The following PDE8B variants were observed in gnomAD, a reference collection of about 807,000 sequenced individuals.
PDE8B encodes the protein phosphodiesterase 8B.
Under a neutral mutation model 101.3 loss-of-function variants are expected in PDE8B, and 26 were observed. The ratio of observed to expected loss-of-function variants is 0.26; its 90% CI spans 0.19 to 0.36. The LOEUF is 0.36. Among genes scored for constraint, PDE8B ranks in the 10% least tolerant of loss-of-function variants. PDE8B has a pLI of 1.00. For synonymous variants in PDE8B, 424 were observed against 429.3 expected, an observed-to-expected ratio of 0.99 and a Z score of 0.15; for missense variants, 810 against 1,163.1, an observed-to-expected ratio of 0.70 and a Z score of 4.42.
chr5:77,215,417 A>G (rs1242664626), intron 1 of PDE8B, among the ~76,000 whole-genome samples: 1 of 152,236 alleles, frequency 6.6e-6, no homozygotes, highest in East Asian at 1.9e-4. Context: ...GCCATTGTAT[A>G]TATGATTACA....
chr5:77,188,994 G>A, the PDE8B span, among the ~76,000 whole-genome samples: 1 of 152,156 alleles, frequency 6.6e-6, no homozygotes, highest in Non-Finnish European at 1.5e-5. Context: ...TTTGGCCCAG[G>A]TGTAGTTGGT....
intron 1 of PDE8B, among the ~76,000 whole-genome samples, chr5:77,251,498 T>C (rs1287676070): frequency 1.3e-5 from 2 of 152,240 alleles, no homozygotes; most frequent in Non-Finnish European, 2.9e-5. Flanking sequence ...AGAAAGACTT[T>C]TGCATTTTGC....
At chr5:77,254,739 C>G (rs931590138) in intron 1 of PDE8B, among the ~76,000 whole-genome samples, 7 of 152,104 alleles carry the variant, frequency 4.6e-5, no homozygotes, top group African/African-American at 1.2e-4. Context: ...TAACTGATTT[C>G]TTTTGTGCCT....
intron 10 of PDE8B, among the ~76,000 whole-genome samples, chr5:77,369,164 C>A (rs1020042966): frequency 7.5e-6 from 1 of 133,640 alleles, no homozygotes; most frequent in Admixed American, 8.4e-5. Flanking sequence ...GATCATGCCA[C>A]TGCACTCCAG....
intron 7 of PDE8B, among the ~76,000 whole-genome samples, chr5:77,347,017 A>G (rs1436729236): frequency 6.6e-6 from 1 of 152,218 alleles, no homozygotes; most frequent in Non-Finnish European, 1.5e-5. Flanking sequence ...CTTAAAATTT[A>G]GAAGCAATAT....
chr5:77,295,784 G>C (rs1462233116), intron 1 of PDE8B, among the ~76,000 whole-genome samples: 1 of 152,146 alleles, frequency 6.6e-6, no homozygotes. Context: ...ATATGGCTTT[G>C]GGCAAGTCTT....
intron 1 of PDE8B, among the ~76,000 whole-genome samples, chr5:77,225,045 GGAGA>G (rs1752033301): frequency 6.6e-6 from 1 of 152,068 alleles, no homozygotes; most frequent in Non-Finnish European, 1.5e-5. Context: ...TGTGTCTCTT[GGAGA>G]CGTTAGCAGC....
the PDE8B span, among the ~76,000 whole-genome samples, chr5:77,099,569 G>A: frequency 3.3e-5 from 5 of 151,986 alleles, no homozygotes; most frequent in African/African-American, 2.4e-5. Flanking sequence ...TGGGGCATGC[G>A]ACTCTAGGGA....
chr5:77,303,967 T>C (rs1315081298), intron 1 of PDE8B, among the ~76,000 whole-genome samples: 10 of 152,206 alleles, frequency 6.6e-5, no homozygotes, highest in Non-Finnish European at 1.2e-4. Context: ...AGACTATGGA[T>C]TCAGTTTTCT....
rs571866292 is a variant in PDE8B at position 77,218,928 on chromosome 5, A to G, written c.339+7664A>G. Among the ~76,000 whole-genome samples, 3 of 152,354 alleles carry G rather than the reference A, an allele frequency of 2.0e-5. No homozygotes were observed. In the East Asian group the frequency reaches 5.8e-4, roughly 29 times the overall value. ...TTTCAAGTACATTGATTTGGCCAAT[A>G]GATGACTAACTGGATTTATAGACAG... On this transcript the variant is annotated intron_variant, in intron 1 of 21. Coordinates refer to ENST00000264917, the MANE Select transcript of PDE8B (RefSeq NM_003719.5).
chr5:77,117,309 T>C, the PDE8B span, among the ~76,000 whole-genome samples: 3 of 152,224 alleles, frequency 2.0e-5, no homozygotes, highest in Admixed American at 6.5e-5. Context: ...ATGCATTTTT[T>C]TTCAATCGGA....
At position 77,378,009 on chromosome 5, in the gene PDE8B, T is replaced by TACACACACACAC. The variant is rs3031820; in HGVS notation, c.1168-22210_1168-22199dup. 2.2e-3 allele frequency among the ~76,000 whole-genome samples: 302 copies of TACACACACACAC among 134,482 alleles called. 1 individual carries two copies. The highest frequency in any genetic ancestry group is 3.6e-3 in the South Asian group (15 of 4,218). 88.2% of individuals were successfully genotyped at this position (134,482 alleles called of 152,430 possible). ...CTTGCTCGCTCTCTCCCTCTCTCTC[T>TACACACACACAC]ACACACACACACACACACACACACA... On this transcript the variant is annotated intron_variant, in intron 10 of 21. Coordinates refer to ENST00000264917, the MANE Select transcript of PDE8B (RefSeq NM_003719.5).
At chr5:77,264,392 G>C (rs890366065) in intron 1 of PDE8B, among the ~76,000 whole-genome samples, 5 of 152,202 alleles carry the variant, frequency 3.3e-5, no homozygotes, top group Admixed American at 6.5e-5. Flanking sequence ...CAATATATGA[G>C]AGTTCCAGTA....
At chr5:77,277,921 G>C (rs559037069) in intron 1 of PDE8B, among the ~76,000 whole-genome samples, 1 of 152,330 alleles carries the variant, frequency 6.6e-6, no homozygotes, top group Admixed American at 6.5e-5. Context: ...CTATGCATAA[G>C]ATGTACATAG....
At chr5:77,202,903 A>G in the PDE8B span, among the ~76,000 whole-genome samples, 24 of 152,230 alleles carry the variant, frequency 1.6e-4, no homozygotes, top group Admixed American at 5.2e-4. Flanking sequence ...CCTGGCCTGT[A>G]GTTAAAGTTT....
At chr5:77,258,061 G>A (rs1347046381) in intron 1 of PDE8B, among the ~76,000 whole-genome samples, 2 of 151,678 alleles carry the variant, frequency 1.3e-5, no homozygotes, top group Non-Finnish European at 2.9e-5. Flanking sequence ...GGCTGAGGCC[G>A]GCAGATCACC....
intron 2 of PDE8B, among the ~76,000 whole-genome samples, chr5:77,313,547 T>G (rs1447976793): frequency 6.6e-6 from 1 of 152,182 alleles, no homozygotes; most frequent in Admixed American, 6.5e-5. Flanking sequence ...ATTAGTGTGG[T>G]TTTAGATCAA....
At chr5:77,191,981 C>G in the PDE8B span, among the ~76,000 whole-genome samples, 1 of 152,170 alleles carries the variant, frequency 6.6e-6, no homozygotes, top group Admixed American at 6.5e-5. Context: ...CCGTTGCATA[C>G]GCAGTTCACA....
intron 10 of PDE8B, among the ~76,000 whole-genome samples, chr5:77,357,648 C>T (rs920591758): frequency 2.0e-5 from 3 of 152,160 alleles, no homozygotes; most frequent in South Asian, 2.1e-4. Flanking sequence ...CACCAAGCAC[C>T]GTTGGTCGAT....
Sources: gnomAD v4.1 joint callset for allele counts (sites outside exome capture counted in the v4.1 genomes callset) on GRCh38, gnomAD v4.1.1 for gene constraint, MANE v1.5 for transcripts, NCBI Gene and HGNC (gene_info 2026-07-23, HGNC 2026-07-21) for gene names.